The following IPPK variants were observed in gnomAD, a reference collection of about 807,000 sequenced individuals.
IPPK encodes IPK1 homolog.
In IPPK, 22 loss-of-function variants were observed where a neutral mutation model predicts 64.6. The ratio of observed to expected loss-of-function variants is 0.34; its 90% CI spans 0.24 to 0.49. The LOEUF is 0.49. Ranked by LOEUF, IPPK falls within the 20% of genes least tolerant of loss-of-function variation. The pLI is 0.99. For synonymous variants in IPPK, 262 were observed against 247.2 expected (o/e 1.06, Z -0.56); for missense variants, 532 against 630.7 (o/e 0.84, Z 1.68).
chr9:92,644,915 TCA>T (rs1437306836), intron 6 of IPPK, among the ~76,000 whole-genome samples: 1 of 151,766 alleles, frequency 6.6e-6, no homozygotes, highest in Non-Finnish European at 1.5e-5. Flanking sequence ...AAAAAAGCAA[TCA>T]CTAGACTGCC....
At chr9:92,654,334 T>C (rs1048741269) in intron 3 of IPPK, among the ~76,000 whole-genome samples, 1 of 152,078 alleles carries the variant, frequency 6.6e-6, no homozygotes, top group Non-Finnish European at 1.5e-5. Context: ...CTGCCCAACA[T>C]GGTGAAACCC....
At chr9:92,624,331 T>C (rs1259056659) in intron 11 of IPPK, among the ~76,000 whole-genome samples, 2 of 151,822 alleles carry the variant, frequency 1.3e-5, no homozygotes, top group African/African-American at 2.4e-5. Flanking sequence ...ATACAAAAAT[T>C]AGCAGGTGCC....
At chr9:92,617,086 G>GTAAC (rs1851465441) in intron 12 of IPPK, 1 of 152,212 alleles carries the variant, frequency 6.6e-6, no homozygotes, top group African/African-American at 2.4e-5. Flanking sequence ...GCTGGGGTAA[G>GTAAC]TAACTATTCT....
At chr9:92,662,284 G>C (rs748785681) in intron 1 of IPPK, among the ~76,000 whole-genome samples, 3 of 152,158 alleles carry the variant, frequency 2.0e-5, no homozygotes, top group Non-Finnish European at 2.9e-5. Flanking sequence ...CCAGCACTTT[G>C]GGAGGCCCAG....
At chr9:92,661,880 T>C (rs1852491956) in intron 1 of IPPK, among the ~76,000 whole-genome samples, 1 of 152,244 alleles carries the variant, frequency 6.6e-6, no homozygotes, top group Non-Finnish European at 1.5e-5. Context: ...GTCCCCAAGA[T>C]GTGCCAGGCT....
At chr9:92,624,972 A>G (rs1329573586) in intron 11 of IPPK, among the ~76,000 whole-genome samples, 2 of 152,182 alleles carry the variant, frequency 1.3e-5, no homozygotes, top group Non-Finnish European at 2.9e-5. Flanking sequence ...GTTCAAAAAC[A>G]GGACAGACTA....
intron 3 of IPPK, among the ~76,000 whole-genome samples, chr9:92,656,189 A>C (rs1472621459): frequency 6.6e-6 from 1 of 152,028 alleles, no homozygotes; most frequent in Non-Finnish European, 1.5e-5. Flanking sequence ...AAGAGCCCTC[A>C]CCCAGCAGGA....
At chr9:92,640,369 CA>C (rs902518131) in intron 8 of IPPK, among the ~76,000 whole-genome samples, 64 of 150,270 alleles carry the variant, frequency 4.3e-4, no homozygotes, top group African/African-American at 1.3e-3. Flanking sequence ...CAGATAGTGC[CA>C]GAGCCATCCT....
chr9:92,666,344 A>C (rs1348074279), intron 1 of IPPK, among the ~76,000 whole-genome samples: 2 of 152,130 alleles, frequency 1.3e-5, no homozygotes, highest in African/African-American at 2.4e-5. Flanking sequence ...CAAAACCAAC[A>C]AGCTGAAGGC....
chr9:92,641,701 G>A (rs746509764), intron 7 of IPPK, among the ~76,000 whole-genome samples: 4 of 152,126 alleles, frequency 2.6e-5, no homozygotes, highest in East Asian at 1.9e-4. Flanking sequence ...CTTTGTTCCC[G>A]GAAGTTTAAA....
chr9:92,658,780 CAG>C, intron 1 of IPPK, 99 bp from the exon 2 acceptor site: 2 of 1,078,248 alleles, frequency 1.9e-6, no homozygotes, highest in Non-Finnish European at 2.8e-6. Context: ...ACAAAGTCCA[CAG>C]TGAAGCTCCA....
At chr9:92,660,897 T>G (rs1190330822) in intron 1 of IPPK, among the ~76,000 whole-genome samples, 1 of 152,192 alleles carries the variant, frequency 6.6e-6, no homozygotes, top group East Asian at 1.9e-4. Context: ...AAGAAAAAAT[T>G]TTTAAAAATA....
rs1163043142 is a variant in IPPK at position 92,615,508 on chromosome 9, T to C, written c.*324A>G. 1 of 274,722 alleles carries C rather than the reference T, an allele frequency of 3.6e-6. No individual in the cohort carries two copies. The highest frequency in any genetic ancestry group is 7.0e-6 in the Non-Finnish European group (1 of 143,794). 17.0% of individuals were successfully genotyped at this position (274,722 alleles called of 1,614,324 possible). On this transcript the variant is annotated 3_prime_UTR_variant, in exon 13 of 13. Coordinates refer to ENST00000287996, the MANE Select transcript of IPPK (RefSeq NM_022755.6). ...CAGATCCAAACCTTGGGTCTTAGAA[T>C]AAGGCTTTTCGCATTAGAGAATCAG...
intron 11 of IPPK, among the ~76,000 whole-genome samples, chr9:92,623,644 A>C (rs1328155299): frequency 1.3e-5 from 2 of 152,202 alleles, no homozygotes; most frequent in African/African-American, 4.8e-5. Context: ...TCCAGTAAAC[A>C]TATGAGAAGG....
intron 1 of IPPK, among the ~76,000 whole-genome samples, chr9:92,668,219 G>A (rs1436353619): frequency 2.6e-5 from 4 of 152,228 alleles, no homozygotes; most frequent in Non-Finnish European, 5.9e-5. Context: ...AGTGAGCCGA[G>A]ATCGCGCCAC....
chr9:92,631,834 A>T (rs1316781093), intron 11 of IPPK, among the ~76,000 whole-genome samples: 1 of 152,222 alleles, frequency 6.6e-6, no homozygotes, highest in Non-Finnish European at 1.5e-5. Context: ...ACCACAGTCA[A>T]GATACAGAAC....
intron 11 of IPPK, among the ~76,000 whole-genome samples, chr9:92,633,307 G>C (rs1004788915): frequency 1.3e-5 from 2 of 151,232 alleles, no homozygotes; most frequent in Admixed American, 6.6e-5. Flanking sequence ...CACCACACCC[G>C]GCCCAGGATA....
At chr9:92,618,844 G>A (rs1030074141) in intron 12 of IPPK, 1 of 351,440 alleles carries the variant, frequency 2.8e-6, no homozygotes, top group East Asian at 7.4e-5. Flanking sequence ...AGGAACACAT[G>A]TTAGAAGAAT....
At chr9:92,640,638 C>G (rs151146331) in intron 8 of IPPK, 72 bp downstream of exon 8, 12,799 of 1,002,886 alleles carry the variant, frequency 0.013, 116 homozygotes, top group Non-Finnish European at 0.017. Context: ...GCCCAACACC[C>G]TCATCTGTGA....
Sources: gnomAD v4.1 joint callset for allele counts (sites outside exome capture counted in the v4.1 genomes callset) on GRCh38, gnomAD v4.1.1 for gene constraint, MANE v1.5 for transcripts, NCBI Gene and HGNC (gene_info 2026-07-23, HGNC 2026-07-21) for gene names.